Variants in SIRT4 observed in about 807,000 individuals in gnomAD.
SIRT4 encodes the protein sirtuin 4, also known as NAD-dependent protein lipoamidase sirtuin-4, mitochondrial.
A neutral mutation model predicts 26.1 loss-of-function variants in SIRT4; 23 were observed. The observed-to-expected ratio is 0.88, with a 90% confidence interval of 0.63 to 1.25. The LOEUF (loss-of-function observed/expected upper bound fraction) is 1.25, where lower values mean the gene tolerates loss of function less well. Ranked by LOEUF, SIRT4 falls within the 50% of genes most tolerant of loss-of-function variation. SIRT4 has a pLI of 0.00. For synonymous variants in SIRT4, 155 were observed against 158.4 expected, an observed-to-expected ratio of 0.98 and a Z score of 0.16; for missense variants, 361 against 405.4, an observed-to-expected ratio of 0.89 and a Z score of 0.94.
chr12:120,291,908 A>AG, the SIRT4 span: 1 of 152,076 alleles, frequency 6.6e-6, no homozygotes, highest in Non-Finnish European at 1.5e-5. Context: ...AAAGCTGGAA[A>AG]GGTTCTGTTC....
At chr12:120,305,531 G>T (rs1872716307) in intron 2 of SIRT4, among the ~76,000 whole-genome samples, 1 of 152,128 alleles carries the variant, frequency 6.6e-6, no homozygotes, top group African/African-American at 2.4e-5. Flanking sequence ...AAAGTGCTGG[G>T]ATGACTAGTG....
chr12:120,293,105 G>C, the SIRT4 span: 15 of 152,186 alleles, frequency 9.9e-5, no homozygotes, highest in South Asian at 6.2e-4. Flanking sequence ...AGTCTCCGTA[G>C]AGACTGTCAA....
chr12:120,294,482 C>T, the SIRT4 span, among the ~76,000 whole-genome samples: 1 of 152,110 alleles, frequency 6.6e-6, no homozygotes, highest in East Asian at 1.9e-4. Context: ...GTCTTGAACT[C>T]CTGGCCTCAG....
chr12:120,304,825 ATATATATATATTTTT>A (rs1459714203), intron 2 of SIRT4, among the ~76,000 whole-genome samples: 3,071 of 16,936 alleles, frequency 0.18, 66 homozygotes, highest in Admixed American at 0.34. Context: ...ATATATATAT[ATATATATATATTTTT>A]TTTTTTTTTT....
intron 2 of SIRT4, 48 bp from the exon 3 acceptor site, chr12:120,312,408 G>C (rs1417952527): frequency 1.3e-6 from 2 of 1,530,732 alleles, no homozygotes; most frequent in Non-Finnish European, 1.8e-6. Context: ...TGACAGCTTT[G>C]TGCCTCCCAA....
the SIRT4 span, among the ~76,000 whole-genome samples, chr12:120,292,940 C>T: frequency 6.6e-6 from 1 of 152,184 alleles, no homozygotes; most frequent in Non-Finnish European, 1.5e-5. Context: ...ATCACTAAAA[C>T]AGGTAAACTT....
Position 120,312,700 on chromosome 12 carries a change from A to C in SIRT4, c.742A>C (p.Lys248Gln). 6.2e-7 allele frequency: 1 copy of C among 1,613,976 alleles called. No individual in the cohort carries two copies. Among genetic ancestry groups the C allele is most frequent in the South Asian group, 1.1e-5 (1 of 91,064 alleles). ...VNPDKVDFVHKRVKEADSLLV... is the reference protein window; with the variant it reads ...VNPDKVDFVHQRVKEADSLLV... ...CCCTGACAAGGTTGATTTTGTGCAC[A>C]AGCGTGTAAAAGAAGCCGACTCCCT... Residue 248 changes from lysine to glutamine, a missense_variant, in exon 3 of 4, where the codon AAG becomes CAG. Transcript: ENST00000202967.
intron 2 of SIRT4, among the ~76,000 whole-genome samples, chr12:120,308,516 G>A (rs1051853639): frequency 1.2e-4 from 18 of 152,156 alleles, no homozygotes; most frequent in African/African-American, 4.3e-4. Flanking sequence ...ATTGGCTCAG[G>A]TTTGTCTAGG....
Position 120,312,468 on chromosome 12 carries a change from G to A in SIRT4, c.510G>A (p.Leu170=), listed in dbSNP as rs772456821. Residue 170 remains leucine (L), a synonymous_variant, in exon 3 of 4, where the codon TTG becomes TTA. Coordinates refer to ENST00000202967, the MANE Select transcript of SIRT4 (RefSeq NM_012240.3). ...TCCTTGGTTCCAGGGTCCTGTGCTT[G>A]GATTGTGGGGAACAGACTCCCCGGG... ...LHGCMDRVLC[L]DCGEQTPRGV... The A allele has an allele frequency of 1.9e-6, 3 of 1,612,240 alleles. No homozygotes were observed. Among genetic ancestry groups the A allele is most frequent in the Admixed American group, 3.4e-5 (2 of 59,678 alleles).
chr12:120,298,518 A>C (rs572638165), upstream of SIRT4, among the ~76,000 whole-genome samples: 12 of 151,734 alleles, frequency 7.9e-5, no homozygotes, highest in Non-Finnish European at 1.5e-4. Flanking sequence ...TTTGAGTCCA[A>C]GAGGTTGAGG....
chr12:120,299,328 G>T (rs1319991305), upstream of SIRT4, among the ~76,000 whole-genome samples: 1 of 151,116 alleles, frequency 6.6e-6, no homozygotes, highest in African/African-American at 2.4e-5. Context: ...GAGGCAGGTG[G>T]GTCACCTGAG....
the SIRT4 span, chr12:120,292,039 A>C: frequency 1.3e-5 from 2 of 152,096 alleles, no homozygotes; most frequent in Admixed American, 6.6e-5. Flanking sequence ...TCTGCATAGG[A>C]GGTTTCTTGT....
rs1191878458 is a variant in SIRT4 at position 120,313,058 on chromosome 12, C to A, written c.*22C>A. ...CTGACCACAGCCTGATATTCCAGAA[C>A]CTGGAACAGGGACTTTCACTTGAAT... On this transcript the variant is annotated 3_prime_UTR_variant, in exon 4 of 4. Coordinates refer to ENST00000202967, the MANE Select transcript of SIRT4 (RefSeq NM_012240.3). 1.2e-6 allele frequency: 2 copies of A among 1,613,192 alleles called. No homozygotes were observed. The highest frequency in any genetic ancestry group is 8.5e-7 in the Non-Finnish European group (1 of 1,179,408).
upstream of SIRT4, among the ~76,000 whole-genome samples, chr12:120,300,942 C>T (rs1002024751): frequency 2.6e-5 from 4 of 152,040 alleles, no homozygotes; most frequent in African/African-American, 9.7e-5. Flanking sequence ...GAGACGCAGG[C>T]CTTGTTTGAT....
At chr12:120,295,608 G>T in the SIRT4 span, among the ~76,000 whole-genome samples, 1 of 151,346 alleles carries the variant, frequency 6.6e-6, no homozygotes, top group Non-Finnish European at 1.5e-5. Context: ...AAAATTGCTG[G>T]ATCATATGTT....
At chr12:120,294,808 G>A in the SIRT4 span, among the ~76,000 whole-genome samples, 2 of 149,240 alleles carry the variant, frequency 1.3e-5, no homozygotes, top group Non-Finnish European at 1.5e-5. Flanking sequence ...ATGAGCTGCC[G>A]CCCGGACCAA....
chr12:120,296,075 A>G, the SIRT4 span, among the ~76,000 whole-genome samples: 1 of 114,510 alleles, frequency 8.7e-6, no homozygotes, highest in African/African-American at 3.4e-5. Context: ...TGACAAAGCG[A>G]GACTCCGTCT....
At chr12:120,306,468 A>G in intron 2 of SIRT4, among the ~76,000 whole-genome samples, 1 of 148,298 alleles carries the variant, frequency 6.7e-6, no homozygotes. Context: ...GGCAACAAGA[A>G]CAAAACTCCG....
At chr12:120,293,491 C>G in the SIRT4 span, among the ~76,000 whole-genome samples, 9 of 152,288 alleles carry the variant, frequency 5.9e-5, no homozygotes, top group South Asian at 1.0e-3. Flanking sequence ...CTGCGAAGGG[C>G]TTTTGAGAGA....
Sources: allele counts gnomAD v4.1 joint callset (sites outside exome capture counted in the v4.1 genomes callset), GRCh38; gene constraint gnomAD v4.1.1; transcripts MANE v1.5; gene names NCBI Gene and HGNC (gene_info 2026-07-23, HGNC 2026-07-21).